The following GABRG3 variants were observed in gnomAD, a reference collection of about 807,000 sequenced individuals.
GABRG3 encodes gamma-aminobutyric acid type A receptor subunit gamma3.
A neutral mutation model predicts 48.8 loss-of-function variants in GABRG3; 25 were observed. The ratio of observed to expected loss-of-function variants is 0.51; its 90% CI spans 0.37 to 0.72. The LOEUF is 0.72. Among genes scored for constraint, GABRG3 ranks in the 30% least tolerant of loss-of-function variants. The pLI is 0.00. For missense variants in GABRG3, 394 were observed against 577.9 expected (o/e 0.68, Z 3.26); for synonymous variants, 227 against 217.6 (o/e 1.04, Z -0.38).
chr15:27,204,213 T>C (rs1888779161), intron 3 of GABRG3, among the ~76,000 whole-genome samples: 1 of 152,264 alleles, frequency 6.6e-6, no homozygotes, highest in Non-Finnish European at 1.5e-5. Flanking sequence ...CCATCTTGAG[T>C]TGATTTTTGT....
At chr15:27,181,766 C>T (rs1223368941) in intron 3 of GABRG3, among the ~76,000 whole-genome samples, 1 of 152,068 alleles carries the variant, frequency 6.6e-6, no homozygotes, top group Admixed American at 6.6e-5. Context: ...TCCCAACGCT[C>T]AGAAGTGAGG....
At chr15:27,459,044 G>A (rs534658922) in intron 5 of GABRG3, among the ~76,000 whole-genome samples, 1 of 152,222 alleles carries the variant, frequency 6.6e-6, no homozygotes, top group South Asian at 2.1e-4. Flanking sequence ...ACACCCATAA[G>A]TCTTCTCTCT....
intron 3 of GABRG3, among the ~76,000 whole-genome samples, chr15:27,035,156 A>G (rs181760576): frequency 3.9e-5 from 6 of 152,326 alleles, no homozygotes; most frequent in African/African-American, 1.4e-4. Context: ...GCTAAAAGGC[A>G]TGTCTGACAT....
chr15:26,984,613 T>C (rs1350957584), intron 2 of GABRG3, among the ~76,000 whole-genome samples: 1 of 152,160 alleles, frequency 6.6e-6, no homozygotes, highest in Non-Finnish European at 1.5e-5. Context: ...TTCAGGGTGA[T>C]GTAGGGTGTC....
intron 2 of GABRG3, among the ~76,000 whole-genome samples, chr15:26,995,936 C>T (rs1177922709): frequency 6.6e-6 from 1 of 152,034 alleles, no homozygotes; most frequent in Non-Finnish European, 1.5e-5. Flanking sequence ...ATTAGAGTTA[C>T]CATCTGGGGT....
At chr15:27,061,621 G>A (rs1044364889) in intron 3 of GABRG3, among the ~76,000 whole-genome samples, 2 of 152,074 alleles carry the variant, frequency 1.3e-5, no homozygotes, top group African/African-American at 4.8e-5. Flanking sequence ...TTTATGGGCA[G>A]TACTGGTTTC....
chr15:27,156,489 C>T (rs531398557), intron 3 of GABRG3, among the ~76,000 whole-genome samples: 34 of 152,060 alleles, frequency 2.2e-4, no homozygotes, highest in Non-Finnish European at 4.0e-4. Context: ...AAAGAAAGCC[C>T]AAGATACTCG....
chr15:27,393,179 C>A (rs554101333), intron 5 of GABRG3, among the ~76,000 whole-genome samples: 1 of 152,016 alleles, frequency 6.6e-6, no homozygotes, highest in African/African-American at 2.4e-5. Context: ...CCCATCTCTA[C>A]TAAAAATACA....
chr15:27,411,951 CTCTT>C (rs1002149234), intron 5 of GABRG3, among the ~76,000 whole-genome samples: 10 of 152,114 alleles, frequency 6.6e-5, no homozygotes, highest in Non-Finnish European at 1.3e-4. Flanking sequence ...TTCTCCAATG[CTCTT>C]TCTTTCTTTA....
intron 3 of GABRG3, among the ~76,000 whole-genome samples, chr15:27,204,873 T>G (rs208154): frequency 6.6e-6 from 1 of 152,144 alleles, no homozygotes; most frequent in Non-Finnish European, 1.5e-5. Context: ...TGCTACTGAT[T>G]TTTTGTACAT....
chr15:27,352,257 G>A lies in GABRG3; in HGVS notation c.574+23369G>A, dbSNP rs903884480. Among the ~76,000 whole-genome samples, 3 of 151,814 alleles carry A rather than the reference G, an allele frequency of 2.0e-5. No individual in the cohort carries two copies. The highest frequency in any genetic ancestry group is 4.8e-5 in the African/African-American group (2 of 41,266). ...CTGCCAGACCGTTCAGCTAATCTCC[G>A]TCTCGCGCTCACTGTTCACAGCGTA... On this transcript the variant is annotated intron_variant, in intron 5 of 9. Coordinates refer to ENST00000615808, the MANE Select transcript of GABRG3 (RefSeq NM_033223.5). This position sits in a 1 kb window ranked among gnomAD's most constrained non-coding sequence, Gnocchi z 4.0.
chr15:27,257,204 T>A (rs1298396838), intron 3 of GABRG3, among the ~76,000 whole-genome samples: 2 of 152,202 alleles, frequency 1.3e-5, no homozygotes, highest in Non-Finnish European at 2.9e-5. Context: ...TGGCCATTTT[T>A]TTTTTGAGAG....
At chr15:27,281,891 T>C (rs1244759609) in intron 3 of GABRG3, among the ~76,000 whole-genome samples, 7 of 152,204 alleles carry the variant, frequency 4.6e-5, no homozygotes, top group African/African-American at 1.4e-4. Context: ...TTATTCCCTT[T>C]CTGTTTGATA....
chr15:27,338,459 T>C (rs77694334), intron 5 of GABRG3, among the ~76,000 whole-genome samples: 8,207 of 152,162 alleles, frequency 0.054, 429 homozygotes, highest in African/African-American at 0.13. Context: ...TCCCCTGATG[T>C]GGTGGTTCTG....
At chr15:27,239,467 T>C (rs1595605999) in intron 3 of GABRG3, among the ~76,000 whole-genome samples, 1 of 152,372 alleles carries the variant, frequency 6.6e-6, no homozygotes, top group Middle Eastern at 3.4e-3. Context: ...TAAAAGTCTT[T>C]ATAAAGCTTA....
At chr15:27,374,138 CTTTTT>C (rs201839822) in intron 5 of GABRG3, among the ~76,000 whole-genome samples, 1,556 of 91,580 alleles carry the variant, frequency 0.017, 27 homozygotes, top group African/African-American at 0.062. Flanking sequence ...TTCTTTTCTT[CTTTTT>C]TTTTTTTTTT....
At chr15:27,220,393 T>G (rs1440287200) in intron 3 of GABRG3, among the ~76,000 whole-genome samples, 1 of 152,098 alleles carries the variant, frequency 6.6e-6, no homozygotes, top group Admixed American at 6.6e-5. Flanking sequence ...CCCTGGTGAT[T>G]GTCATGTGGT....
chr15:26,987,099 T>C (rs1030506717), intron 2 of GABRG3, among the ~76,000 whole-genome samples: 1 of 152,126 alleles, frequency 6.6e-6, no homozygotes, highest in Non-Finnish European at 1.5e-5. Flanking sequence ...CTACTAAAAA[T>C]ACAAAAAAAT....
intron 2 of GABRG3, among the ~76,000 whole-genome samples, chr15:26,998,885 G>A (rs1225480533): frequency 1.3e-5 from 2 of 152,106 alleles, no homozygotes; most frequent in Non-Finnish European, 2.9e-5. Flanking sequence ...TTCCTTTGCT[G>A]TATACCCTTA....
Sources: allele counts gnomAD v4.1 joint callset (sites outside exome capture counted in the v4.1 genomes callset), GRCh38; gene constraint gnomAD v4.1.1; non-coding constraint Gnocchi (gnomAD v3.1); transcripts MANE v1.5; gene names NCBI Gene and HGNC (gene_info 2026-07-23, HGNC 2026-07-21).